PTPN11: variants seen among roughly 807,000 people sequenced by gnomAD.
PTPN11 encodes protein tyrosine phosphatase non-receptor type 11, also known as tyrosine-protein phosphatase non-receptor type 11.
PTPN11 carries 6 observed loss-of-function variants against 78.8 expected under a neutral mutation model. The observed-to-expected ratio is 0.08, with a 90% CI of 0.04 to 0.15. PTPN11 has a LOEUF of 0.15. Among genes scored for constraint, PTPN11 ranks in the 10% least tolerant of loss-of-function variants. The pLI, the probability that PTPN11 is intolerant of heterozygous loss-of-function variation, is 1.00. For missense variants in PTPN11, 386 were observed against 744.8 expected, an observed-to-expected ratio of 0.52 and a Z score of 5.61; for synonymous variants, 221 against 263.5, an observed-to-expected ratio of 0.84 and a Z score of 1.56.
At position 112,482,143 on chromosome 12, in the gene PTPN11, G is replaced by A. The variant is rs749523268; in HGVS notation, c.1162G>A (p.Val388Ile). 5.0e-6 allele frequency: 8 copies of A among 1,611,672 alleles called. No individual in the cohort carries two copies. Among genetic ancestry groups the A allele is most frequent in the South Asian group, 2.2e-5 (2 of 91,050 alleles). Reference protein sequence around the residue: ...KEYGVMRVRNVKESAAHDYTL... With the variant: ...KEYGVMRVRNIKESAAHDYTL... ...ATATGGCGTCATGCGTGTTAGGAACGTCAAAGAAAGCGCCGCTCATGACTA... is the reference window on the plus strand; with the variant it reads ...ATATGGCGTCATGCGTGTTAGGAACATCAAAGAAAGCGCCGCTCATGACTA... The change falls in exon 10 of 16, where the codon GTC (valine) becomes ATC (isoleucine). Residue 388 changes from valine to isoleucine, a missense_variant. Val to Ile is a conservative substitution (Grantham distance 29). Transcript: ENST00000351677. The surrounding 1 kb of genome is among the most constrained non-coding windows in gnomAD (Gnocchi z 4.4).
intron 1 of PTPN11, among the ~76,000 whole-genome samples, chr12:112,427,711 C>T (rs537986626): frequency 6.6e-6 from 1 of 151,730 alleles, no homozygotes; most frequent in South Asian, 2.1e-4. Flanking sequence ...CTCCTTGTAA[C>T]TCTCTACCCC....
At chr12:112,449,140 G>C (rs913196393) in intron 2 of PTPN11, among the ~76,000 whole-genome samples, 5 of 150,362 alleles carry the variant, frequency 3.3e-5, no homozygotes, top group Admixed American at 2.7e-4. Context: ...TCCCACCTCA[G>C]CCTCCCAAAG....
chr12:112,491,741 G>T (rs1267421925), intron 13 of PTPN11, among the ~76,000 whole-genome samples: 1 of 152,110 alleles, frequency 6.6e-6, no homozygotes, highest in Non-Finnish European at 1.5e-5. Flanking sequence ...GTCTCACTTT[G>T]TTGCCCAGGT....
At chr12:112,478,628 C>T (rs1299455110) in intron 9 of PTPN11, among the ~76,000 whole-genome samples, 2 of 152,154 alleles carry the variant, frequency 1.3e-5, no homozygotes, top group Non-Finnish European at 2.9e-5. Flanking sequence ...TTTTTCATCA[C>T]AGACATTGTA....
intron 6 of PTPN11, among the ~76,000 whole-genome samples, chr12:112,463,624 C>T (rs755189476): frequency 6.6e-6 from 1 of 152,176 alleles, no homozygotes; most frequent in Non-Finnish European, 1.5e-5. Context: ...TACACTGTCA[C>T]ATCTCAAATT....
intron 7 of PTPN11, among the ~76,000 whole-genome samples, chr12:112,477,227 G>A (rs1035601628): frequency 1.3e-5 from 2 of 152,102 alleles, no homozygotes; most frequent in Non-Finnish European, 2.9e-5. Context: ...ATGTTGGCCA[G>A]GCTGGTCTTG....
intron 1 of PTPN11, 79 bp from the exon 2 acceptor site, chr12:112,446,197 C>T (rs994364576): frequency 1.0e-5 from 16 of 1,565,356 alleles, no homozygotes; most frequent in African/African-American, 1.4e-5. Flanking sequence ...GCTCATAATG[C>T]GTCTTAGCTG....
chr12:112,423,290 A>G (rs2037553442), intron 1 of PTPN11, among the ~76,000 whole-genome samples: 1 of 152,102 alleles, frequency 6.6e-6, no homozygotes, highest in Non-Finnish European at 1.5e-5. Flanking sequence ...TGAAATTTGA[A>G]ATTTTTTTTT....
intron 7 of PTPN11, 150 bp downstream of exon 7, chr12:112,473,190 A>G: frequency 1.4e-6 from 1 of 698,140 alleles, no homozygotes; most frequent in Non-Finnish European, 2.6e-6. Flanking sequence ...ATAATCAACC[A>G]TGGTGGGTGT....
intron 1 of PTPN11, 80 bp downstream of exon 1, chr12:112,419,205 C>T: frequency 1.5e-6 from 2 of 1,326,380 alleles, no homozygotes; most frequent in East Asian, 3.1e-5. Context: ...GAAGGGGGCG[C>T]CCCGGCCGGG....
At chr12:112,505,656 C>CAAAAAA (rs1191524369) in intron 15 of PTPN11, among the ~76,000 whole-genome samples, 169 bp from the exon 16 acceptor site, 18 of 36,640 alleles carry the variant, frequency 4.9e-4, no homozygotes, top group South Asian at 1.8e-3. Flanking sequence ...AACTCCATCT[C>CAAAAAA]AAAAAAAAAA....
At chr12:112,486,194 T>C (rs2038671880) in intron 10 of PTPN11, among the ~76,000 whole-genome samples, 1 of 152,078 alleles carries the variant, frequency 6.6e-6, no homozygotes, top group South Asian at 2.1e-4. Context: ...AATAGGGATG[T>C]TACCTGTCGC....
chr12:112,421,631 A>G (rs979558758), intron 1 of PTPN11, among the ~76,000 whole-genome samples: 3 of 151,564 alleles, frequency 2.0e-5, no homozygotes, highest in Admixed American at 1.3e-4. Flanking sequence ...TTTTATTATT[A>G]TTGTTATTAT....
chr12:112,446,113 A>T (rs1039001168), intron 1 of PTPN11, among the ~76,000 whole-genome samples, 163 bp from the exon 2 acceptor site: 12 of 152,088 alleles, frequency 7.9e-5, no homozygotes, highest in Non-Finnish European at 1.0e-4. Context: ...GGCAGGGAGG[A>T]GGCATTGACC....
chr12:112,496,497 A>G (rs1037636767), intron 13 of PTPN11, among the ~76,000 whole-genome samples: 1 of 152,182 alleles, frequency 6.6e-6, no homozygotes, highest in Non-Finnish European at 1.5e-5. Context: ...CTGTATATGA[A>G]TCCATGGATT....
At chr12:112,480,631 A>G (rs1312334750) in intron 9 of PTPN11, among the ~76,000 whole-genome samples, 1 of 152,112 alleles carries the variant, frequency 6.6e-6, no homozygotes, top group East Asian at 1.9e-4. Flanking sequence ...AAGTGCTGGG[A>G]TTACAGGCGT....
chr12:112,435,428 A>G (rs1346496773), intron 1 of PTPN11, among the ~76,000 whole-genome samples: 1 of 152,200 alleles, frequency 6.6e-6, no homozygotes, highest in Admixed American at 6.6e-5. Flanking sequence ...TCTATTTTAA[A>G]AAAAGAAGAG....
chr12:112,461,391 T>C (rs1307121421), intron 6 of PTPN11, among the ~76,000 whole-genome samples: 1 of 151,602 alleles, frequency 6.6e-6, no homozygotes, highest in Non-Finnish European at 1.5e-5. Context: ...TGGTGTGCAG[T>C]GGCGCAAACA....
chr12:112,426,259 C>G (rs894803385), intron 1 of PTPN11, among the ~76,000 whole-genome samples: 1 of 150,116 alleles, frequency 6.7e-6, no homozygotes, highest in Non-Finnish European at 1.5e-5. Context: ...TTTGTAAACT[C>G]TTTTTTTTTT....
Sources: gnomAD v4.1 joint callset for allele counts (sites outside exome capture counted in the v4.1 genomes callset) on GRCh38, gnomAD v4.1.1 for gene constraint, Gnocchi (gnomAD v3.1) non-coding constraint, MANE v1.5 for transcripts, NCBI Gene and HGNC (gene_info 2026-07-23, HGNC 2026-07-21) for gene names.